Variants in CUL2 observed in about 807,000 individuals in gnomAD.
The protein encoded by CUL2 is cullin 2.
Under a neutral mutation model 110.2 loss-of-function variants are expected in CUL2, and 22 were observed. That is an observed-to-expected ratio of 0.20 (90% CI 0.14 to 0.28). CUL2 has a LOEUF of 0.28. Ranked by LOEUF, CUL2 falls within the 10% of genes least tolerant of loss-of-function variation. The pLI, the probability that CUL2 is intolerant of heterozygous loss-of-function variation, is 1.00. For missense variants in CUL2, 631 were observed against 905.5 expected (o/e 0.70, Z 3.89); for synonymous variants, 279 against 293.2 (o/e 0.95, Z 0.49).
intron 1 of CUL2, among the ~76,000 whole-genome samples, chr10:35,112,722 T>C (rs2087537165): frequency 6.6e-6 from 1 of 152,186 alleles, no homozygotes; most frequent in African/African-American, 2.4e-5. Flanking sequence ...AAATTATTCA[T>C]GTTCTCAAAA....
At chr10:35,052,728 T>TA (rs1289168910) in intron 5 of CUL2, among the ~76,000 whole-genome samples, 1 of 151,866 alleles carries the variant, frequency 6.6e-6, no homozygotes, top group Non-Finnish European at 1.5e-5. Flanking sequence ...ACCCCGCCTC[T>TA]ACTAAATATA....
chr10:35,069,987 T>G (rs1017415745), intron 2 of CUL2, among the ~76,000 whole-genome samples: 2 of 152,184 alleles, frequency 1.3e-5, no homozygotes, highest in African/African-American at 4.8e-5. Context: ...ATATTGGTTA[T>G]CCTCTAGATA....
intron 16 of CUL2, among the ~76,000 whole-genome samples, chr10:35,027,591 A>G (rs1429561493): frequency 6.6e-6 from 1 of 152,224 alleles, no homozygotes; most frequent in East Asian, 1.9e-4. Context: ...GTGTAAAATA[A>G]AGGTAATTCT....
chr10:35,085,665 C>T (rs2087045066), intron 1 of CUL2, among the ~76,000 whole-genome samples: 1 of 137,858 alleles, frequency 7.3e-6, no homozygotes, highest in Non-Finnish European at 1.5e-5. Flanking sequence ...GGTGTGAACC[C>T]GGGAACCAGA....
intron 1 of CUL2, among the ~76,000 whole-genome samples, chr10:35,082,586 T>C (rs2086970208): frequency 6.6e-6 from 1 of 152,186 alleles, no homozygotes; most frequent in African/African-American, 2.4e-5. Flanking sequence ...TTTTAAGTGC[T>C]TAAAAACTAG....
intron 10 of CUL2, among the ~76,000 whole-genome samples, chr10:35,034,594 TAAC>T (rs1485812806): frequency 6.6e-6 from 1 of 152,156 alleles, no homozygotes; most frequent in Non-Finnish European, 1.5e-5. Flanking sequence ...TTACCAGTAA[TAAC>T]AAGATTTGGT....
intron 1 of CUL2, among the ~76,000 whole-genome samples, chr10:35,116,388 T>A (rs1286215557): frequency 6.6e-6 from 1 of 152,120 alleles, no homozygotes; most frequent in Non-Finnish European, 1.5e-5. Context: ...AATTTGACAA[T>A]GGAGACAAAA....
chr10:35,024,049 G>T (rs2085273690), intron 17 of CUL2, among the ~76,000 whole-genome samples: 1 of 152,122 alleles, frequency 6.6e-6, no homozygotes, highest in Non-Finnish European at 1.5e-5. Context: ...TGCCCAGGCT[G>T]GTCTCAAACT....
chr10:35,102,617 G>T (rs1459685977), intron 1 of CUL2, among the ~76,000 whole-genome samples: 1 of 151,058 alleles, frequency 6.6e-6, no homozygotes, highest in South Asian at 2.1e-4. Context: ...TGGCACCGTG[G>T]CTCATACCTG....
chr10:35,013,435 C>CTCAATGT (rs2084953496), intron 19 of CUL2, among the ~76,000 whole-genome samples: 1 of 151,682 alleles, frequency 6.6e-6, no homozygotes, highest in African/African-American at 2.4e-5. Context: ...TGGGAATTTT[C>CTCAATGT]GGAGAGAATG....
chr10:35,040,860 C>T (rs2085768173), intron 8 of CUL2, among the ~76,000 whole-genome samples: 1 of 152,170 alleles, frequency 6.6e-6, no homozygotes, highest in Admixed American at 6.5e-5. Context: ...GGAGTTTGCG[C>T]TCTGTGAGAA....
chr10:35,024,101 C>G (rs1175462786), intron 17 of CUL2, among the ~76,000 whole-genome samples: 2 of 152,158 alleles, frequency 1.3e-5, no homozygotes, highest in Non-Finnish European at 2.9e-5. Context: ...TCCCCAAGTG[C>G]TGGGGTTACA....
At chr10:35,052,162 T>A (rs1261659443) in intron 5 of CUL2, among the ~76,000 whole-genome samples, 3 of 152,224 alleles carry the variant, frequency 2.0e-5, no homozygotes, top group African/African-American at 7.2e-5. Flanking sequence ...GTTGCTAGCC[T>A]CCCTATTGTT....
chr10:35,098,112 C>G (rs1013341844), intron 2 of CUL2: 6 of 152,072 alleles, frequency 3.9e-5, no homozygotes, highest in Non-Finnish European at 7.4e-5. Context: ...CTAGACAATT[C>G]TGGTTGAAAG....
rs977286120 is a variant in CUL2, at chr10:35,106,467, C to T, written c.-50-5407G>A. Reference sequence around the variant, plus strand: ...CCCGAGTAGCTGTGACTAGAGGCGCCGGCCACCACGCCCGGCTAATTTTTT... The same window carrying T: ...CCCGAGTAGCTGTGACTAGAGGCGCTGGCCACCACGCCCGGCTAATTTTTT... On this transcript the variant is annotated intron_variant, in intron 1 of 5. Transcript: ENST00000685421. Among the ~76,000 whole-genome samples the T allele has an allele frequency of 4.0e-5, 6 of 151,690 alleles. No homozygotes were observed. The East Asian group carries it at 9.8e-4, about 25-fold the overall frequency.
At chr10:35,101,184 G>C (rs150674583) in intron 1 of CUL2, 1 of 152,198 alleles carries the variant, frequency 6.6e-6, no homozygotes, top group Non-Finnish European at 1.5e-5. Context: ...CTCATAGCCA[G>C]TTGGGCATTT....
chr10:35,078,418 C>T (rs1008038947), intron 1 of CUL2, among the ~76,000 whole-genome samples: 1 of 151,844 alleles, frequency 6.6e-6, no homozygotes, highest in Non-Finnish European at 1.5e-5. Context: ...GCCTCAGCCT[C>T]CCAAGTAGCT....
intron 17 of CUL2, among the ~76,000 whole-genome samples, chr10:35,017,401 T>C (rs1182891335): frequency 6.6e-6 from 1 of 152,100 alleles, no homozygotes; most frequent in African/African-American, 2.4e-5. Context: ...TTCATAAATA[T>C]GTTCTATATG....
At chr10:35,066,102 T>C (rs1162405946) in intron 2 of CUL2, among the ~76,000 whole-genome samples, 1 of 152,182 alleles carries the variant, frequency 6.6e-6, no homozygotes, top group Admixed American at 6.5e-5. Flanking sequence ...ATGTTCTCTA[T>C]TAAAAGGTGT....
Sources: allele counts gnomAD v4.1 joint callset (sites outside exome capture counted in the v4.1 genomes callset), GRCh38; gene constraint gnomAD v4.1.1; transcripts MANE v1.5; gene names NCBI Gene and HGNC (gene_info 2026-07-23, HGNC 2026-07-21).